TENM3: variants seen among roughly 807,000 people sequenced by gnomAD.
The protein encoded by TENM3 is teneurin transmembrane protein 3, also known as teneurin-3.
Under a neutral mutation model 255.1 loss-of-function variants are expected in TENM3, and 63 were observed. The observed-to-expected ratio is 0.25, with a 90% CI of 0.20 to 0.30. The LOEUF (loss-of-function observed/expected upper bound fraction) is 0.30. Ranked by LOEUF, TENM3 falls within the 10% of genes least tolerant of loss-of-function variation. The probability of loss-of-function intolerance (pLI) is 1.00; values close to 1 mark genes in which losing one functional copy is unlikely to be tolerated. For missense variants in TENM3, 2,929 were observed against 3,461.1 expected (o/e 0.85, Z 3.86); for synonymous variants, 1,306 against 1,322.3 (o/e 0.99, Z 0.27).
At chr4:182,473,537 G>A (rs1733359893) in intron 3 of TENM3, among the ~76,000 whole-genome samples, 1 of 152,286 alleles carries the variant, frequency 6.6e-6, no homozygotes, top group African/African-American at 2.4e-5. Flanking sequence ...GCCAGGCGTG[G>A]TGGCGGGTGC....
chr4:181,449,822 A>G, the TENM3 span, among the ~76,000 whole-genome samples: 2 of 152,158 alleles, frequency 1.3e-5, no homozygotes, highest in Admixed American at 1.3e-4. Flanking sequence ...AAATAACAAC[A>G]TATGATTAAG....
chr4:182,206,130 T>C (rs1332758508), intron 1 of TENM3, among the ~76,000 whole-genome samples: 1 of 151,782 alleles, frequency 6.6e-6, no homozygotes, highest in Admixed American at 6.6e-5. Flanking sequence ...ATTTAAAATG[T>C]CTGTGTAAGT....
chr4:181,767,200 C>T, the TENM3 span, among the ~76,000 whole-genome samples: 1 of 140,274 alleles, frequency 7.1e-6, no homozygotes, highest in Admixed American at 7.7e-5. Context: ...TGCAGTGAGC[C>T]GAGAAGGTGC....
At chr4:182,537,259 T>C (rs1052988119) in intron 3 of TENM3, among the ~76,000 whole-genome samples, 11 of 152,138 alleles carry the variant, frequency 7.2e-5, no homozygotes, top group African/African-American at 2.4e-4. Flanking sequence ...TGACTCAGTT[T>C]TCAAAAAGGC....
At chr4:182,687,457 C>T (rs574305865) in intron 11 of TENM3, among the ~76,000 whole-genome samples, 1 of 151,818 alleles carries the variant, frequency 6.6e-6, no homozygotes, top group Non-Finnish European at 1.5e-5. Context: ...GTCACTTGTG[C>T]TCTTTTCAGT....
chr4:182,534,494 T>G (rs1176361106), intron 3 of TENM3, among the ~76,000 whole-genome samples: 1 of 152,182 alleles, frequency 6.6e-6, no homozygotes. Context: ...ATTTGCTGAG[T>G]TTTTTGTAAC....
intron 5 of TENM3, among the ~76,000 whole-genome samples, chr4:182,630,385 A>G (rs531210545): frequency 6.6e-6 from 1 of 152,306 alleles, no homozygotes; most frequent in South Asian, 2.1e-4. Context: ...TTAGCTGTGT[A>G]TATTATTTGT....
the TENM3 span, among the ~76,000 whole-genome samples, chr4:181,705,730 C>T: frequency 6.6e-6 from 1 of 152,142 alleles, no homozygotes; most frequent in Admixed American, 6.5e-5. Flanking sequence ...ACATCCTGGA[C>T]ATGTACCCCA....
the TENM3 span, among the ~76,000 whole-genome samples, chr4:181,921,453 C>A: frequency 6.6e-6 from 1 of 152,226 alleles, no homozygotes; most frequent in Admixed American, 6.5e-5. Flanking sequence ...CCTTCACGTC[C>A]CTTGTAAGTT....
At chr4:181,632,836 C>G in the TENM3 span, among the ~76,000 whole-genome samples, 1 of 152,092 alleles carries the variant, frequency 6.6e-6, no homozygotes, top group African/African-American at 2.4e-5. Context: ...CAGTGGGCAC[C>G]CTTTTGAGTT....
At chr4:182,680,446 G>GT (rs1756075225) in intron 9 of TENM3, 97 bp downstream of exon 9, 2 of 1,379,030 alleles carry the variant, frequency 1.5e-6, no homozygotes, top group South Asian at 1.2e-5. Flanking sequence ...AAGGGGGGGG[G>GT]AGACTGGCAT....
chr4:182,653,181 C>T (rs1195566023), intron 5 of TENM3, among the ~76,000 whole-genome samples: 1 of 152,088 alleles, frequency 6.6e-6, no homozygotes, highest in Middle Eastern at 3.2e-3. Context: ...GACACATGTA[C>T]ATGCTTTTTA....
chr4:182,335,478 G>C (rs554038944), intron 2 of TENM3, among the ~76,000 whole-genome samples: 1,267 of 107,144 alleles, frequency 0.012, 33 homozygotes, highest in Middle Eastern at 0.049. Flanking sequence ...CTGGGCGACA[G>C]AGCGAGACTC....
the TENM3 span, among the ~76,000 whole-genome samples, chr4:181,710,220 T>C: frequency 6.6e-6 from 1 of 151,324 alleles, no homozygotes; most frequent in Non-Finnish European, 1.5e-5. Flanking sequence ...CCAAGATGAG[T>C]TAGAGGAATA....
At chr4:181,887,619 C>T in the TENM3 span, among the ~76,000 whole-genome samples, 1 of 152,156 alleles carries the variant, frequency 6.6e-6, no homozygotes, top group African/African-American at 2.4e-5. Context: ...TGCCTTCTTC[C>T]GACATTCTTC....
rs1430121166 is a variant in TENM3 at position 182,653,840 on chromosome 4, T to C, written c.1058T>C (p.Val353Ala). 3.1e-6 allele frequency: 5 copies of C among 1,613,170 alleles called. No individual in the cohort carries two copies. The highest frequency in any genetic ancestry group is 1.1e-5 in the South Asian group (1 of 90,978). ...AATGACACATTTGAGAATGGAAAAGTGAATTCTGATACCATGCCAACAAAC... is the reference window on the plus strand; with the variant it reads ...AATGACACATTTGAGAATGGAAAAGCGAATTCTGATACCATGCCAACAAAC... The part of the protein sequence containing the change: ...TENDTFENGK[V>A]NSDTMPTNTV... Residue 353 changes from valine to alanine, a missense_variant, in exon 6 of 28, where the codon GTG (valine) becomes GCG (alanine). Physicochemically the swap from Val to Ala is moderately conservative, Grantham distance 64 (BLOSUM62 0). Transcript: ENST00000511685.
At chr4:181,994,569 T>G in the TENM3 span, among the ~76,000 whole-genome samples, 2 of 149,708 alleles carry the variant, frequency 1.3e-5, no homozygotes, top group African/African-American at 2.4e-5. Flanking sequence ...TTTTTTTTTT[T>G]GTGAACTCAA....
At chr4:181,512,672 T>G in the TENM3 span, among the ~76,000 whole-genome samples, 1 of 152,330 alleles carries the variant, frequency 6.6e-6, no homozygotes, top group South Asian at 2.1e-4. Flanking sequence ...AGAATATATT[T>G]CTGCCACAGT....
At chr4:181,606,648 T>A in the TENM3 span, among the ~76,000 whole-genome samples, 2 of 152,030 alleles carry the variant, frequency 1.3e-5, no homozygotes, top group African/African-American at 4.8e-5. Context: ...TCTGCTCTTG[T>A]TGTTCTTTCT....
Sources: gnomAD v4.1 joint callset for allele counts (sites outside exome capture counted in the v4.1 genomes callset) on GRCh38, gnomAD v4.1.1 for gene constraint, MANE v1.5 for transcripts, NCBI Gene and HGNC (gene_info 2026-07-23, HGNC 2026-07-21) for gene names.